HSDL2: variants seen among roughly 807,000 people sequenced by gnomAD.
HSDL2 encodes the protein hydroxysteroid dehydrogenase like 2.
In HSDL2, 27 loss-of-function variants were observed where a neutral mutation model predicts 46.3. That is an observed-to-expected ratio of 0.58 (90% CI 0.43 to 0.80). The LOEUF is 0.80. Ranked by LOEUF, HSDL2 falls within the 30% of genes least tolerant of loss-of-function variation. The pLI is 0.00. For synonymous variants in HSDL2, 153 were observed against 163.6 expected (o/e 0.94, Z 0.50); for missense variants, 451 against 502.7 (o/e 0.90, Z 0.98).
At chr9:112,411,690 A>G (rs1393927409) in intron 4 of HSDL2, among the ~76,000 whole-genome samples, 1 of 152,188 alleles carries the variant, frequency 6.6e-6, no homozygotes, top group African/African-American at 2.4e-5. Context: ...GAAAAAAACT[A>G]TTATGGCAAG....
Position 112,391,864 on chromosome 9 carries a change from C to T in HSDL2, c.17+11684C>T, listed in dbSNP as rs560033078. Among the ~76,000 whole-genome samples the T allele has an allele frequency of 1.4e-4, 19 of 135,048 alleles. No homozygotes were observed. The South Asian group carries it at 1.6e-3, about 11-fold the overall frequency. The allele number at this position is 135,048 out of a possible 152,430, so 88.6% of individuals were successfully genotyped here. A position where few individuals can be genotyped will look rare whatever the true frequency, so the allele number is the denominator to read the frequency against. On this transcript the variant is annotated intron_variant, in intron 1 of 10. Transcript: ENST00000398805. ...AGGTTGCAGTGAGCTGCAGCCTGGG[C>T]GACAAGAGCAAAACTCTGTCTCAAA...
At chr9:112,405,216 G>T (rs950097411) in intron 2 of HSDL2, among the ~76,000 whole-genome samples, 1 of 152,158 alleles carries the variant, frequency 6.6e-6, no homozygotes, top group African/African-American at 2.4e-5. Flanking sequence ...GCCTGGCGTG[G>T]TGGTGCATGC....
chr9:112,416,514 A>T (rs747903979), intron 4 of HSDL2, among the ~76,000 whole-genome samples: 2 of 150,792 alleles, frequency 1.3e-5, no homozygotes, highest in Non-Finnish European at 3.0e-5. Context: ...GCACTTCGGG[A>T]GTCTGAGGTA....
chr9:112,395,996 C>T (rs1831448520), intron 1 of HSDL2, among the ~76,000 whole-genome samples: 1 of 152,172 alleles, frequency 6.6e-6, no homozygotes, highest in Non-Finnish European at 1.5e-5. Flanking sequence ...CTAAACCAGC[C>T]CTGTCTTCTT....
chr9:112,381,117 A>ACACACACACACACACG (rs56331194), intron 1 of HSDL2, among the ~76,000 whole-genome samples: 22 of 152,058 alleles, frequency 1.4e-4, no homozygotes, highest in Admixed American at 1.4e-3. Flanking sequence ...ACACACACAC[A>ACACACACACACACACG]TACCCTTTCT....
intron 6 of HSDL2, among the ~76,000 whole-genome samples, chr9:112,430,314 A>T (rs554051071): frequency 1.3e-5 from 2 of 152,214 alleles, no homozygotes; most frequent in African/African-American, 4.8e-5. Context: ...CCTGTGGACT[A>T]GTATGGCTGG....
At chr9:112,454,783 G>A (rs1026159723) in intron 9 of HSDL2, among the ~76,000 whole-genome samples, 21 of 151,248 alleles carry the variant, frequency 1.4e-4, no homozygotes, top group African/African-American at 5.1e-4. Flanking sequence ...TGGGCTCACT[G>A]CAACCTCTGC....
intron 8 of HSDL2, among the ~76,000 whole-genome samples, chr9:112,447,893 A>T (rs1454555758): frequency 6.6e-6 from 1 of 152,198 alleles, no homozygotes; most frequent in Non-Finnish European, 1.5e-5. Flanking sequence ...TATGTTCTGT[A>T]TCTGGTCACC....
rs77925810 is a variant in HSDL2 at position 112,380,850 on chromosome 9, G to A, written c.17+670G>A. On this transcript the variant is annotated intron_variant, in intron 1 of 10. Transcript: ENST00000398805. Reference sequence around the variant, plus strand: ...CAACTCCTCTTCCCCACCTCCGCTCGTACATTGGCAACCACCATTCTACTT... The same window carrying A: ...CAACTCCTCTTCCCCACCTCCGCTCATACATTGGCAACCACCATTCTACTT... Among the ~76,000 whole-genome samples, 813 of 152,134 alleles carry A rather than the reference G, an allele frequency of 5.3e-3. 4 individuals carry two copies. Among genetic ancestry groups the A allele is most frequent in the African/African-American group, 0.019 (788 of 41,472 alleles).
At chr9:112,381,084 C>T (rs1411540714) in intron 1 of HSDL2, among the ~76,000 whole-genome samples, 1 of 129,696 alleles carries the variant, frequency 7.7e-6, no homozygotes, top group Non-Finnish European at 1.6e-5. Context: ...TGTATACATC[C>T]GGATACACAC....
rs1831670025 is a variant in HSDL2, at chr9:112,404,143, A to T, written c.166A>T (p.Thr56Ser). The T allele has an allele frequency of 6.2e-7, 1 of 1,613,856 alleles. No individual in the cohort carries two copies. The highest frequency in any genetic ancestry group is 8.5e-7 in the Non-Finnish European group (1 of 1,179,926). The part of the protein sequence containing the change: ...PHPKLLGTIY[T>S]AAEEIEAVGG... ...TCCAAAACTTCTAGGCACAATCTAT[A>T]CTGCTGCTGAAGAAAGTGAGTGTGA... Residue 56 changes from threonine (T) to serine (S), a missense_variant, in exon 2 of 11, where the codon ACT (threonine) becomes TCT (serine). Thr to Ser is a moderately conservative substitution (Grantham distance 58). Transcript: ENST00000398805.
chr9:112,388,995 T>C (rs775771831), intron 1 of HSDL2, among the ~76,000 whole-genome samples: 20 of 151,876 alleles, frequency 1.3e-4, no homozygotes, highest in Non-Finnish European at 1.5e-5. Flanking sequence ...AGTAGATACA[T>C]GAGAGACCAA....
At chr9:112,458,072 A>G (rs1353574531) in intron 9 of HSDL2, among the ~76,000 whole-genome samples, 2 of 149,988 alleles carry the variant, frequency 1.3e-5, no homozygotes, top group African/African-American at 4.9e-5. Context: ...TCACAAGCTC[A>G]TCCAACACCC....
intron 7 of HSDL2, 137 bp from the exon 8 acceptor site, chr9:112,441,562 A>T: frequency 1.8e-6 from 1 of 567,694 alleles, no homozygotes; most frequent in Non-Finnish European, 3.2e-6. Context: ...AGATCAGGTC[A>T]TTCGACAGTT....
chr9:112,457,023 C>T (rs987650608), intron 9 of HSDL2, among the ~76,000 whole-genome samples: 4 of 152,290 alleles, frequency 2.6e-5, no homozygotes, highest in African/African-American at 9.6e-5. Context: ...TGGCGCGTGC[C>T]TGTAGTCCCA....
intron 9 of HSDL2, among the ~76,000 whole-genome samples, chr9:112,454,456 G>C (rs1270039532): frequency 6.6e-6 from 1 of 151,794 alleles, no homozygotes; most frequent in South Asian, 2.1e-4. Context: ...GCCTCCCAAT[G>C]ATTTTTATTT....
intron 6 of HSDL2, among the ~76,000 whole-genome samples, chr9:112,427,588 C>T (rs1160582677): frequency 1.3e-5 from 2 of 152,172 alleles, no homozygotes; most frequent in Non-Finnish European, 2.9e-5. Flanking sequence ...TTGTTCCATA[C>T]ATTGCATTTG....
chr9:112,417,506 AC>A (rs1028668526), intron 5 of HSDL2, among the ~76,000 whole-genome samples: 1 of 151,476 alleles, frequency 6.6e-6, no homozygotes, highest in African/African-American at 2.4e-5. Flanking sequence ...CGACAAAAAA[AC>A]CCTATTACCT....
chr9:112,464,126 G>C (rs564128299), intron 10 of HSDL2, among the ~76,000 whole-genome samples: 53 of 151,954 alleles, frequency 3.5e-4, no homozygotes, highest in African/African-American at 1.2e-3. Flanking sequence ...CAACACTTTG[G>C]GGGGCCAAAG....
Sources: gnomAD v4.1 joint callset for allele counts (sites outside exome capture counted in the v4.1 genomes callset) on GRCh38, gnomAD v4.1.1 for gene constraint, MANE v1.5 for transcripts, NCBI Gene and HGNC (gene_info 2026-07-23, HGNC 2026-07-21) for gene names.